DPY19L3: variants seen among roughly 807,000 people sequenced by gnomAD.
The protein encoded by DPY19L3 is dpy-19 like C-mannosyltransferase 3.
In DPY19L3, 51 loss-of-function variants were observed where a neutral mutation model predicts 92.3. The ratio of observed to expected loss-of-function variants is 0.55; its 90% CI spans 0.44 to 0.70. DPY19L3 has a LOEUF of 0.70. Among genes scored for constraint, DPY19L3 ranks in the 30% least tolerant of loss-of-function variants. The pLI is 0.00. For missense variants in DPY19L3, 706 were observed against 855.9 expected, an observed-to-expected ratio of 0.82 and a Z score of 2.18; for synonymous variants, 309 against 315.2, an observed-to-expected ratio of 0.98 and a Z score of 0.21.
At chr19:32,413,469 C>CT (rs1968265549) in intron 3 of DPY19L3, among the ~76,000 whole-genome samples, 1 of 149,858 alleles carries the variant, frequency 6.7e-6, no homozygotes, top group East Asian at 2.0e-4. Flanking sequence ...TATTATTATA[C>CT]TTTAAGTTTT....
chr19:32,465,799 C>A (rs1181238855), intron 15 of DPY19L3, among the ~76,000 whole-genome samples: 3 of 152,186 alleles, frequency 2.0e-5, no homozygotes, highest in African/African-American at 7.2e-5. Context: ...TAGCAAAACT[C>A]TGTGCTAACT....
Position 32,458,344 on chromosome 19 carries a change from T to TC in DPY19L3, c.1164-4dup. ...ATTTAATACTTTGCTTTCCATTTGT[T>TC]CCCTAGGGATTTTGATGCAAATCTC... On this transcript the variant is annotated splice_polypyrimidine_tract_variant and splice_region_variant and intron_variant, in intron 11 of 18. Coordinates refer to ENST00000392250, the MANE Select transcript of DPY19L3 (RefSeq NM_001172774.2). The TC allele has an allele frequency of 6.2e-7, 1 of 1,609,232 alleles. No homozygotes were observed. Among genetic ancestry groups the TC allele is most frequent in the Non-Finnish European group, 8.5e-7 (1 of 1,178,820 alleles).
chr19:32,464,842 A>G, intron 15 of DPY19L3, 58 bp downstream of exon 15: 1 of 1,203,888 alleles, frequency 8.3e-7, no homozygotes, highest in Non-Finnish European at 1.2e-6. Flanking sequence ...AATTGCTTTG[A>G]TTCAATATAT....
rs574703179 is a variant in DPY19L3 at position 32,446,760 on chromosome 19, A to C, written c.856-6385A>C. Among the ~76,000 whole-genome samples, 17 of 152,346 alleles carry C rather than the reference A, an allele frequency of 1.1e-4. No homozygotes were observed. In the South Asian group the frequency reaches 2.3e-3, roughly 20 times the overall value. ...TGAAAGGAGAAATAGAAAAATTCACAATCGCAGTTTGAGACTTCAGCACAT... is the reference window on the plus strand; with the variant it reads ...TGAAAGGAGAAATAGAAAAATTCACCATCGCAGTTTGAGACTTCAGCACAT... On this transcript the variant is annotated intron_variant, in intron 8 of 18. Coordinates refer to ENST00000392250, the MANE Select transcript of DPY19L3 (RefSeq NM_001172774.2).
At chr19:32,440,194 T>C (rs1969279367) in intron 8 of DPY19L3, among the ~76,000 whole-genome samples, 1 of 152,252 alleles carries the variant, frequency 6.6e-6, no homozygotes, top group African/African-American at 2.4e-5. Context: ...AATTTTAAAA[T>C]ATAAGATAGC....
intron 3 of DPY19L3, among the ~76,000 whole-genome samples, chr19:32,427,159 A>G (rs1968792576): frequency 6.6e-6 from 1 of 152,058 alleles, no homozygotes; most frequent in Non-Finnish European, 1.5e-5. Context: ...ATGCCCAGCT[A>G]ATTTTTTATA....
chr19:32,412,521 C>A lies in DPY19L3; in HGVS notation c.237+1149C>A, dbSNP rs376595961. On this transcript the variant is annotated intron_variant, in intron 3 of 18. Transcript: ENST00000392250. Reference sequence around the variant, plus strand: ...TAAATCATGGGGTCTAAATGTGGCTCCACAGAGGGTCCTCAGCATGTTCAT... The same window carrying A: ...TAAATCATGGGGTCTAAATGTGGCTACACAGAGGGTCCTCAGCATGTTCAT... 9 of 151,338 alleles carry A rather than the reference C, an allele frequency of 5.9e-5. No individual in the cohort carries two copies. In the East Asian group the frequency reaches 1.2e-3, roughly 20 times the overall value. 9.4% of individuals were successfully genotyped at this position (151,338 alleles called of 1,614,324 possible). A position where few individuals can be genotyped will look rare whatever the true frequency, so the allele number is the denominator to read the frequency against.
At chr19:32,415,723 A>G (rs889011317) in intron 3 of DPY19L3, among the ~76,000 whole-genome samples, 8 of 152,216 alleles carry the variant, frequency 5.3e-5, no homozygotes, top group Non-Finnish European at 8.8e-5. Context: ...ATTGCATTCA[A>G]ATATTCAGTG....
chr19:32,411,734 A>G (rs1179427511), intron 3 of DPY19L3: 1 of 249,184 alleles, frequency 4.0e-6, no homozygotes, highest in Non-Finnish European at 7.5e-6. Context: ...CACCCAGCTA[A>G]TTTTTGTATT....
At chr19:32,459,243 TG>T (rs1037781565) in intron 12 of DPY19L3, among the ~76,000 whole-genome samples, 5 of 152,114 alleles carry the variant, frequency 3.3e-5, no homozygotes, top group African/African-American at 1.2e-4. Context: ...ATCAAGCTGC[TG>T]GGGGGGTTTG....
chr19:32,408,094 A>C (rs1207234288), intron 1 of DPY19L3, 123 bp from the exon 2 acceptor site: 1 of 602,694 alleles, frequency 1.7e-6, no homozygotes, highest in African/African-American at 1.9e-5. Flanking sequence ...GGGGGAAGAA[A>C]AAAAAAGGGA....
rs187798582 is a variant in DPY19L3 at position 32,415,339 on chromosome 19, A to C, written c.237+3967A>C. On this transcript the variant is annotated intron_variant, in intron 3 of 18. Coordinates refer to ENST00000392250, the MANE Select transcript of DPY19L3 (RefSeq NM_001172774.2). ...AAGGATGAGTAAGAGTTAACCAGGC[A>C]AGTTGGGGAGGAAAGATGAGTGTCC... 5.1e-4 allele frequency among the ~76,000 whole-genome samples: 78 copies of C among 152,308 alleles called. No individual in the cohort carries two copies. The South Asian group carries it at 8.9e-3, about 17-fold the overall frequency.
chr19:32,417,268 G>A (rs1223055165), intron 3 of DPY19L3, among the ~76,000 whole-genome samples: 1 of 152,120 alleles, frequency 6.6e-6, no homozygotes, highest in African/African-American at 2.4e-5. Context: ...CATGGGGGCG[G>A]GCCTTTCCTG....
intron 3 of DPY19L3, among the ~76,000 whole-genome samples, chr19:32,415,189 C>G (rs1442750253): frequency 3.3e-5 from 5 of 152,162 alleles, no homozygotes; most frequent in African/African-American, 4.8e-5. Context: ...TACAGGACAT[C>G]CCAACTCGGT....
intron 8 of DPY19L3, among the ~76,000 whole-genome samples, chr19:32,447,976 G>T (rs958108403): frequency 6.6e-6 from 1 of 152,136 alleles, no homozygotes; most frequent in Non-Finnish European, 1.5e-5. Flanking sequence ...AAGAGTGGGA[G>T]GTGGGTGGGT....
intron 1 of DPY19L3, among the ~76,000 whole-genome samples, chr19:32,407,240 G>T: frequency 7.0e-6 from 1 of 142,612 alleles, no homozygotes; most frequent in Non-Finnish European, 1.5e-5. Context: ...CCTCCCACTT[G>T]CTGCTGCCAA....
At chr19:32,418,466 G>A (rs1312808154) in intron 3 of DPY19L3, among the ~76,000 whole-genome samples, 1 of 152,122 alleles carries the variant, frequency 6.6e-6, no homozygotes, top group Non-Finnish European at 1.5e-5. Context: ...CTTGAAATGG[G>A]GTAGTACACT....
Position 32,458,133 on chromosome 19 carries a change from T to C in DPY19L3, c.1123T>C (p.Phe375Leu), listed in dbSNP as rs1969924764. The C allele has an allele frequency of 6.2e-7, 1 of 1,613,814 alleles. No individual in the cohort carries two copies. The highest frequency in any genetic ancestry group is 8.5e-7 in the Non-Finnish European group (1 of 1,179,916). ...ILNLKSDEHI[F>L]KFLKAKFGLG... The stretch of plus-strand genomic sequence containing the variant: ...TAACCTGAAGTCAGATGAACACATA[T>C]TTAAATTTCTGAAGGCAAAATTTGG... Residue 375 changes from phenylalanine to leucine, a missense_variant, in exon 11 of 19, where the codon TTT becomes CTT. By Grantham distance (22) the Phe-to-Leu change is conservative. Coordinates refer to ENST00000392250, the MANE Select transcript of DPY19L3 (RefSeq NM_001172774.2).
chr19:32,468,166 G>A (rs1400636367), intron 15 of DPY19L3: 8 of 927,476 alleles, frequency 8.6e-6, no homozygotes, highest in East Asian at 1.2e-4. Context: ...ACCTCTCTGA[G>A]CCTCAGTTTC....
Sources: gnomAD v4.1 joint callset for allele counts (sites outside exome capture counted in the v4.1 genomes callset) on GRCh38, gnomAD v4.1.1 for gene constraint, MANE v1.5 for transcripts, NCBI Gene and HGNC (gene_info 2026-07-23, HGNC 2026-07-21) for gene names.